The following CELF2 variants were observed in gnomAD, a reference collection of about 807,000 sequenced individuals.
The protein encoded by CELF2 is CUG triplet repeat RNA-binding protein 2.
Under a neutral mutation model 62.6 loss-of-function variants are expected in CELF2, and 8 were observed. That is an observed-to-expected ratio of 0.13 (90% CI 0.07 to 0.23). CELF2 has a LOEUF of 0.23. CELF2 is among the 10% of genes least tolerant of loss of function. CELF2 has a pLI of 1.00. For missense variants in CELF2, 333 were observed against 671.0 expected (o/e 0.50, Z 5.56); for synonymous variants, 258 against 250.0 (o/e 1.03, Z -0.30).
intron 2 of CELF2, among the ~76,000 whole-genome samples, chr10:10,973,056 G>A (rs546061772): frequency 5.9e-5 from 9 of 152,248 alleles, no homozygotes; most frequent in Admixed American, 3.3e-4. Context: ...TTGGGAGGCC[G>A]AGGCGGGTGG....
chr10:11,313,476 T>A (rs1423639782), intron 9 of CELF2, among the ~76,000 whole-genome samples: 1 of 152,206 alleles, frequency 6.6e-6, no homozygotes, highest in African/African-American at 2.4e-5. Flanking sequence ...TACAGCAATT[T>A]CTAGAAAGCA....
In CELF2 at chr10:10,908,178, C is replaced by T. The variant is rs183877317; in HGVS notation, c.54-11786C>T. On this transcript the variant is annotated intron_variant, in intron 1 of 13. Transcript: ENST00000636488. ...TCCTTTGCGGAATGAGGGCTGATAG[C>T]ACTACCCTGCTCCTTGTCAAAGAAT... is the stretch of plus-strand genomic sequence containing the variant. 9.5e-5 allele frequency among the ~76,000 whole-genome samples: 14 copies of T among 146,638 alleles called. No individual in the cohort carries two copies. The Admixed American group carries it at 9.6e-4, about 10-fold the overall frequency.
chr10:10,723,749 G>A, the CELF2 span, among the ~76,000 whole-genome samples: 2 of 152,258 alleles, frequency 1.3e-5, no homozygotes, highest in Non-Finnish European at 2.9e-5. Context: ...TTTAGAGGAG[G>A]TGAAAATTTA....
chr10:10,959,384 G>A (rs2049242812), intron 2 of CELF2, among the ~76,000 whole-genome samples: 1 of 152,180 alleles, frequency 6.6e-6, no homozygotes, highest in Admixed American at 6.5e-5. Context: ...ACTTTATTAT[G>A]AGCCACTAGT....
the CELF2 span, among the ~76,000 whole-genome samples, chr10:10,617,867 A>G: frequency 6.6e-6 from 1 of 152,092 alleles, no homozygotes; most frequent in Admixed American, 6.5e-5. Flanking sequence ...TAACATTCCA[A>G]TTCAATAACA....
At chr10:11,081,769 G>C (rs1190081739) in intron 1 of CELF2, among the ~76,000 whole-genome samples, 2 of 152,072 alleles carry the variant, frequency 1.3e-5, no homozygotes, top group African/African-American at 4.8e-5. Flanking sequence ...ATTGGCAAAG[G>C]GTTTCTAGTG....
At chr10:10,758,429 G>A in the CELF2 span, among the ~76,000 whole-genome samples, 1 of 152,294 alleles carries the variant, frequency 6.6e-6, no homozygotes, top group South Asian at 2.1e-4. Context: ...GGGAGGTCAG[G>A]AATATGGGCC....
chr10:10,677,047 T>C, the CELF2 span, among the ~76,000 whole-genome samples: 301 of 152,342 alleles, frequency 2.0e-3, 1 homozygote, highest in African/African-American at 6.9e-3. Flanking sequence ...AGCAGACCAG[T>C]TCAGCCCAGC....
intron 1 of CELF2, among the ~76,000 whole-genome samples, chr10:10,894,025 A>G (rs1481506632): frequency 6.6e-6 from 1 of 152,190 alleles, no homozygotes; most frequent in Non-Finnish European, 1.5e-5. Context: ...CAGAATGACT[A>G]TGTTAACCAT....
intron 1 of CELF2, among the ~76,000 whole-genome samples, chr10:10,853,814 A>T (rs2059543069): frequency 6.6e-6 from 1 of 152,018 alleles, no homozygotes; most frequent in Non-Finnish European, 1.5e-5. Flanking sequence ...CCTCCGAGAA[A>T]ATCAGGAAGC....
chr10:11,104,910 C>G (rs892820673), intron 1 of CELF2, among the ~76,000 whole-genome samples: 3 of 152,182 alleles, frequency 2.0e-5, no homozygotes, highest in Non-Finnish European at 2.9e-5. Context: ...GAGGTGACCT[C>G]TTGAGTGTGA....
chr10:11,028,422 CTTTT>C (rs5742072), intron 1 of CELF2, among the ~76,000 whole-genome samples: 14 of 135,686 alleles, frequency 1.0e-4, no homozygotes, highest in East Asian at 2.1e-4. Context: ...TTTTCTTTTT[CTTTT>C]TTTTTTTTTT....
At chr10:10,806,805 T>C (rs1187748197) in intron 1 of CELF2, among the ~76,000 whole-genome samples, 1 of 152,154 alleles carries the variant, frequency 6.6e-6, no homozygotes, top group African/African-American at 2.4e-5. Flanking sequence ...GAAGAGTATT[T>C]GGTAAGGGGT....
chr10:10,751,415 GA>G, the CELF2 span, among the ~76,000 whole-genome samples: 1 of 152,218 alleles, frequency 6.6e-6, no homozygotes, highest in Non-Finnish European at 1.5e-5. Context: ...GTCTGACAAA[GA>G]AGCAAGTTCG....
At chr10:11,105,951 T>C (rs2053321545) in intron 1 of CELF2, among the ~76,000 whole-genome samples, 1 of 152,250 alleles carries the variant, frequency 6.6e-6, no homozygotes, top group South Asian at 2.1e-4. Flanking sequence ...ACTTAGAGAT[T>C]CTTTGTAATG....
chr10:11,025,422 G>A (rs2059033193), intron 1 of CELF2, among the ~76,000 whole-genome samples: 1 of 152,064 alleles, frequency 6.6e-6, no homozygotes, highest in Non-Finnish European at 1.5e-5. Flanking sequence ...GTGGTAGCGA[G>A]TTCTCACGAG....
intron 2 of CELF2, among the ~76,000 whole-genome samples, chr10:11,200,965 G>A (rs1359584435): frequency 6.6e-6 from 1 of 152,192 alleles, no homozygotes; most frequent in Non-Finnish European, 1.5e-5. Flanking sequence ...AAACGGGTCA[G>A]TTTTACCAAG....
intron 1 of CELF2, among the ~76,000 whole-genome samples, chr10:11,064,740 T>G (rs895215226): frequency 6.6e-6 from 1 of 152,098 alleles, no homozygotes; most frequent in East Asian, 1.9e-4. Context: ...AAAGGCACAT[T>G]CAATTAGGGG....
At chr10:10,705,334 CCT>C in the CELF2 span, among the ~76,000 whole-genome samples, 2 of 149,758 alleles carry the variant, frequency 1.3e-5, no homozygotes, top group Non-Finnish European at 3.0e-5. Context: ...TGCTTCTTCC[CCT>C]CTCTCTCAGA....
Sources: gnomAD v4.1 joint callset for allele counts (sites outside exome capture counted in the v4.1 genomes callset) on GRCh38, gnomAD v4.1.1 for gene constraint, MANE v1.5 for transcripts, NCBI Gene and HGNC (gene_info 2026-07-23, HGNC 2026-07-21) for gene names.